The following C12orf54 variants were observed in gnomAD, a reference collection of about 807,000 sequenced individuals.
The protein encoded by C12orf54 is chromosome 12 open reading frame 54.
In C12orf54, 24 loss-of-function variants were observed where a neutral mutation model predicts 26.4. The ratio of observed to expected loss-of-function variants is 0.91; its 90% CI spans 0.66 to 1.28. C12orf54 has a LOEUF of 1.28. Among genes scored for constraint, C12orf54 ranks in the 50% most tolerant of loss-of-function variants. The pLI is 0.00. For missense variants in C12orf54, 154 were observed against 150.9 expected (o/e 1.02, Z -0.11); for synonymous variants, 54 against 47.0 (o/e 1.15, Z -0.61).
the C12orf54 span, chr12:48,473,406 G>A: frequency 2.0e-5 from 16 of 787,024 alleles, no homozygotes; most frequent in Middle Eastern, 2.4e-4. Context: ...GGGAGAAGAC[G>A]ATGCCTAAGT....
the C12orf54 span, among the ~76,000 whole-genome samples, chr12:48,447,790 G>A: frequency 6.6e-6 from 1 of 152,150 alleles, no homozygotes; most frequent in Non-Finnish European, 1.5e-5. Flanking sequence ...TTAAAATAGG[G>A]AGATTATCTT....
At chr12:48,481,546 T>C (rs967200012), upstream of C12orf54, among the ~76,000 whole-genome samples, 1 of 152,130 alleles carries the variant, frequency 6.6e-6, no homozygotes, top group Non-Finnish European at 1.5e-5. Flanking sequence ...AAACAAGGGA[T>C]GGGACAGTAT....
the C12orf54 span, among the ~76,000 whole-genome samples, chr12:48,428,884 A>T: frequency 2.0e-5 from 3 of 152,172 alleles, no homozygotes; most frequent in Non-Finnish European, 4.4e-5. Context: ...CTACATACCA[A>T]TATCCCTCAT....
the C12orf54 span, chr12:48,473,017 T>C: frequency 2.5e-6 from 4 of 1,614,096 alleles, no homozygotes; most frequent in Non-Finnish European, 3.4e-6. Flanking sequence ...CTCGAGAGCT[T>C]AGACCTTTTC....
chr12:48,463,579 C>G, the C12orf54 span, among the ~76,000 whole-genome samples: 1 of 151,474 alleles, frequency 6.6e-6, no homozygotes, highest in Non-Finnish European at 1.5e-5. Flanking sequence ...AAGCCAGCAT[C>G]ATCCTGATAG....
At chr12:48,457,284 TTGGTGGTGGTGGTGG>T in the C12orf54 span, among the ~76,000 whole-genome samples, 1 of 127,804 alleles carries the variant, frequency 7.8e-6, no homozygotes, top group Non-Finnish European at 1.7e-5. Flanking sequence ...GTTGTTGTTG[TTGGTGGTGGTGGTGG>T]TGGTGGTGGT....
At chr12:48,424,723 T>C in the C12orf54 span, among the ~76,000 whole-genome samples, 1 of 152,138 alleles carries the variant, frequency 6.6e-6, no homozygotes, top group African/African-American at 2.4e-5. Flanking sequence ...AGATAGATGA[T>C]CACATATGTC....
the C12orf54 span, among the ~76,000 whole-genome samples, chr12:48,427,208 G>C: frequency 1.5e-4 from 23 of 152,176 alleles, no homozygotes; most frequent in African/African-American, 5.6e-4. Context: ...GATGTTGGCT[G>C]TGGGTTTGTC....
chr12:48,438,263 C>G, the C12orf54 span, among the ~76,000 whole-genome samples: 2 of 152,238 alleles, frequency 1.3e-5, no homozygotes, highest in Non-Finnish European at 2.9e-5. Context: ...AGGATACAAA[C>G]AAATGGAAGA....
chr12:48,455,599 C>T, the C12orf54 span, among the ~76,000 whole-genome samples: 1 of 152,108 alleles, frequency 6.6e-6, no homozygotes, highest in Non-Finnish European at 1.5e-5. Context: ...GGTTTTGGAG[C>T]AGAGAGGCTG....
At chr12:48,465,884 A>G in the C12orf54 span, among the ~76,000 whole-genome samples, 13 of 152,124 alleles carry the variant, frequency 8.5e-5, no homozygotes, top group Non-Finnish European at 1.5e-4. Flanking sequence ...AATATCAACA[A>G]GGGAGAACTT....
At chr12:48,413,664 A>C in the C12orf54 span, among the ~76,000 whole-genome samples, 1 of 152,204 alleles carries the variant, frequency 6.6e-6, no homozygotes, top group Non-Finnish European at 1.5e-5. Context: ...CTTTGTAGAC[A>C]CATGTTGTTT....
At chr12:48,440,521 G>A in the C12orf54 span, among the ~76,000 whole-genome samples, 1 of 152,212 alleles carries the variant, frequency 6.6e-6, no homozygotes, top group African/African-American at 2.4e-5. Context: ...CACAGGCTCT[G>A]CCCAGTCCTT....
the C12orf54 span, chr12:48,472,513 G>A: frequency 1.3e-6 from 1 of 790,158 alleles, no homozygotes; most frequent in Non-Finnish European, 2.0e-6. Context: ...AATGTGATGG[G>A]AGATAATAGA....
chr12:48,427,663 C>G, the C12orf54 span, among the ~76,000 whole-genome samples: 1 of 151,924 alleles, frequency 6.6e-6, no homozygotes, highest in Non-Finnish European at 1.5e-5. Flanking sequence ...CGGGAGCTCC[C>G]AAATTTATAA....
chr12:48,485,940 A>G lies in C12orf54; in HGVS notation c.66-238A>G, dbSNP rs537154661. Among the ~76,000 whole-genome samples the G allele has an allele frequency of 5.9e-5, 9 of 152,256 alleles. No individual in the cohort carries two copies. In the East Asian group the frequency reaches 1.7e-3, roughly 29 times the overall value. On this transcript the variant is annotated intron_variant, in intron 2 of 8. Coordinates refer to ENST00000548364, the MANE Select transcript of C12orf54 (RefSeq NM_152319.4). Reference sequence around the variant, plus strand: ...CCATCACCTTCACTTCCATTGTTCTATGCTTTAGAGTTCTCAAAGGGCTTC... The same window carrying G: ...CCATCACCTTCACTTCCATTGTTCTGTGCTTTAGAGTTCTCAAAGGGCTTC...
chr12:48,428,815 T>C, the C12orf54 span, among the ~76,000 whole-genome samples: 2 of 152,174 alleles, frequency 1.3e-5, no homozygotes, highest in South Asian at 4.1e-4. Flanking sequence ...TAATTCATTC[T>C]ATGAAGCCAG....
the C12orf54 span, among the ~76,000 whole-genome samples, chr12:48,440,196 G>T: frequency 6.6e-6 from 1 of 151,922 alleles, no homozygotes; most frequent in Non-Finnish European, 1.5e-5. Flanking sequence ...CTGCACTCCA[G>T]CCTGGGTGAC....
the C12orf54 span, chr12:48,472,840 A>T: frequency 6.2e-7 from 1 of 1,614,104 alleles, no homozygotes; most frequent in African/African-American, 1.3e-5. Flanking sequence ...TCAATTGCAA[A>T]CTTGCCAAAG....
Sources: gnomAD v4.1 joint callset for allele counts (sites outside exome capture counted in the v4.1 genomes callset) on GRCh38, gnomAD v4.1.1 for gene constraint, MANE v1.5 for transcripts, NCBI Gene and HGNC (gene_info 2026-07-23, HGNC 2026-07-21) for gene names.